NXPH1: variants seen among roughly 807,000 people sequenced by gnomAD.
NXPH1 encodes neurexophilin-1.
Under a neutral mutation model 23.7 loss-of-function variants are expected in NXPH1, and 5 were observed. The ratio of observed to expected loss-of-function variants is 0.21; its 90% confidence interval spans 0.11 to 0.44. The LOEUF is 0.44. NXPH1 is among the 20% of genes least tolerant of loss of function. NXPH1 has a pLI of 0.99. For missense variants in NXPH1, 324 were observed against 321.6 expected (o/e 1.01, Z -0.06); for synonymous variants, 144 against 122.2 (o/e 1.18, Z -1.18).
chr7:8,512,059 C>T (rs1328240697), intron 2 of NXPH1, among the ~76,000 whole-genome samples: 1 of 152,112 alleles, frequency 6.6e-6, no homozygotes, highest in East Asian at 1.9e-4. Context: ...AGCTTGACAG[C>T]TGCCAAACTA....
intron 2 of NXPH1, among the ~76,000 whole-genome samples, chr7:8,704,528 G>C (rs1041922518): frequency 6.6e-6 from 1 of 152,148 alleles, no homozygotes; most frequent in Non-Finnish European, 1.5e-5. Flanking sequence ...CAATGAGATA[G>C]CTTCCTGAAT....
At chr7:8,461,169 C>T (rs930500792) in intron 2 of NXPH1, among the ~76,000 whole-genome samples, 11 of 152,168 alleles carry the variant, frequency 7.2e-5, no homozygotes, top group African/African-American at 2.7e-4. Context: ...GGGGAGTGAA[C>T]CATGCCCCCT....
At position 8,443,667 on chromosome 7, in the gene NXPH1, A is replaced by G. The variant is rs529304045; in HGVS notation, c.54+7900A>G. ...AGGACAAACCATGGCTAGGCAGGGA[A>G]ATCGATATATTTGCTATCGAAAGTT... On this transcript the variant is annotated intron_variant, in intron 2 of 2. Coordinates refer to ENST00000405863, the MANE Select transcript of NXPH1 (RefSeq NM_152745.3). Among the ~76,000 whole-genome samples, 24 of 152,330 alleles carry G rather than the reference A, an allele frequency of 1.6e-4. No homozygotes were observed. In the East Asian group the frequency reaches 4.6e-3, roughly 29 times the overall value.
intron 2 of NXPH1, among the ~76,000 whole-genome samples, chr7:8,706,282 G>T (rs1016296885): frequency 6.6e-6 from 1 of 152,198 alleles, no homozygotes; most frequent in Non-Finnish European, 1.5e-5. Context: ...GGGCATGTGT[G>T]CAACAATTTA....
At chr7:8,447,074 T>C (rs149892542) in intron 2 of NXPH1, among the ~76,000 whole-genome samples, 2 of 152,334 alleles carry the variant, frequency 1.3e-5, no homozygotes, top group Non-Finnish European at 1.5e-5. Flanking sequence ...TGAGACCTGT[T>C]ATATTTTCTG....
chr7:8,729,213 A>T (rs1780108129), intron 2 of NXPH1, among the ~76,000 whole-genome samples: 1 of 150,224 alleles, frequency 6.7e-6, no homozygotes, highest in African/African-American at 2.5e-5. Flanking sequence ...TATTGCGTCT[A>T]TTTGATTCTT....
At chr7:8,521,742 G>T (rs1817775054) in intron 2 of NXPH1, among the ~76,000 whole-genome samples, 1 of 152,118 alleles carries the variant, frequency 6.6e-6, no homozygotes, top group Admixed American at 6.6e-5. Context: ...AGAATTAAAT[G>T]GCAATGTAAG....
chr7:8,482,983 C>G (rs1260336235), intron 2 of NXPH1, among the ~76,000 whole-genome samples: 2 of 152,280 alleles, frequency 1.3e-5, no homozygotes, highest in African/African-American at 4.8e-5. Flanking sequence ...ATTTTGTTGT[C>G]AATATACGGA....
intron 2 of NXPH1, among the ~76,000 whole-genome samples, chr7:8,634,216 G>A (rs1031475003): frequency 4.6e-5 from 7 of 152,060 alleles, no homozygotes; most frequent in Non-Finnish European, 7.4e-5. Flanking sequence ...CATGGGGGCG[G>A]GTTTTCCCAT....
chr7:8,676,623 A>G (rs1346426153), intron 2 of NXPH1, among the ~76,000 whole-genome samples: 1 of 152,228 alleles, frequency 6.6e-6, no homozygotes, highest in Non-Finnish European at 1.5e-5. Flanking sequence ...CTGGTGACTT[A>G]GGATTCCAAG....
chr7:8,464,582 C>A (rs1013320730), intron 2 of NXPH1, among the ~76,000 whole-genome samples: 3 of 152,134 alleles, frequency 2.0e-5, no homozygotes, highest in African/African-American at 7.2e-5. Flanking sequence ...ATATCACTTG[C>A]CTGTAGGAGT....
chr7:8,718,270 C>T (rs1779910344), intron 2 of NXPH1, among the ~76,000 whole-genome samples: 2 of 152,106 alleles, frequency 1.3e-5, no homozygotes, highest in South Asian at 4.1e-4. Context: ...GCTGTAATTG[C>T]ATTTAAAATT....
At chr7:8,731,688 G>C (rs1028957922) in intron 2 of NXPH1, among the ~76,000 whole-genome samples, 1 of 152,198 alleles carries the variant, frequency 6.6e-6, no homozygotes, top group Non-Finnish European at 1.5e-5. Context: ...TGAAGAGGAA[G>C]TCTGCCCGTT....
chr7:8,472,628 G>A lies in NXPH1; in HGVS notation c.54+36861G>A, dbSNP rs564190452. Among the ~76,000 whole-genome samples the A allele has an allele frequency of 1.4e-4, 22 of 152,254 alleles. No individual in the cohort carries two copies. In the South Asian group the frequency reaches 4.6e-3, roughly 32 times the overall value. On this transcript the variant is annotated intron_variant, in intron 2 of 2. Transcript: ENST00000405863. ...ATTTCCTGGTAGGGAAGAGAGTCTG[G>A]ATAGGATACCACAATCTGAGTTCCC...
chr7:8,713,049 A>G (rs1201685446), intron 2 of NXPH1, among the ~76,000 whole-genome samples: 1 of 151,872 alleles, frequency 6.6e-6, no homozygotes, highest in Non-Finnish European at 1.5e-5. Context: ...TAACTCTTAT[A>G]TTTGCCATTT....
intron 2 of NXPH1, among the ~76,000 whole-genome samples, chr7:8,537,386 T>G (rs1421596044): frequency 6.6e-6 from 1 of 151,944 alleles, no homozygotes; most frequent in Non-Finnish European, 1.5e-5. Context: ...TTGGCATGGC[T>G]GGGAGGCATC....
intron 2 of NXPH1, among the ~76,000 whole-genome samples, chr7:8,515,671 A>T (rs1189385110): frequency 1.3e-5 from 2 of 152,138 alleles, no homozygotes; most frequent in Non-Finnish European, 2.9e-5. Flanking sequence ...AAGGGCTGTA[A>T]ATAAGACCTA....
intron 2 of NXPH1, among the ~76,000 whole-genome samples, chr7:8,592,934 A>G (rs1166408869): frequency 6.6e-6 from 1 of 151,714 alleles, no homozygotes; most frequent in Non-Finnish European, 1.5e-5. Context: ...CAGGGGCTGT[A>G]ATTTACCTAC....
At chr7:8,474,886 G>T (rs1816942825) in intron 2 of NXPH1, among the ~76,000 whole-genome samples, 1 of 152,054 alleles carries the variant, frequency 6.6e-6, no homozygotes, top group African/African-American at 2.4e-5. Context: ...TGAAGCTGCG[G>T]CCATGCTGGT....
Sources: gnomAD v4.1 joint callset for allele counts (sites outside exome capture counted in the v4.1 genomes callset) on GRCh38, gnomAD v4.1.1 for gene constraint, MANE v1.5 for transcripts, NCBI Gene and HGNC (gene_info 2026-07-23, HGNC 2026-07-21) for gene names.